The following ZNHIT6 variants were observed in gnomAD, a reference collection of about 807,000 sequenced individuals.
ZNHIT6 encodes the protein zinc finger HIT-type containing 6, also known as box C/D snoRNA protein 1.
A neutral mutation model predicts 57.2 loss-of-function variants in ZNHIT6; 45 were observed. The observed-to-expected ratio is 0.79, with a 90% confidence interval of 0.62 to 1.01. The LOEUF (loss-of-function observed/expected upper bound fraction) is 1.01, where lower values mean the gene tolerates loss of function less well. Among genes scored for constraint, ZNHIT6 ranks in the 50% least tolerant of loss-of-function variants. The probability of loss-of-function intolerance (pLI) is 0.00; values close to 1 mark genes in which losing one functional copy is unlikely to be tolerated. For missense variants in ZNHIT6, 528 were observed against 567.3 expected, an observed-to-expected ratio of 0.93 and a Z score of 0.70; for synonymous variants, 188 against 190.0, an observed-to-expected ratio of 0.99 and a Z score of 0.09.
intron 6 of ZNHIT6, among the ~76,000 whole-genome samples, chr1:85,679,573 T>G (rs1432543229): frequency 6.6e-6 from 1 of 150,832 alleles, no homozygotes; most frequent in East Asian, 1.9e-4. Flanking sequence ...GTTTTTTTTT[T>G]TTTTTTTTAA....
chr1:85,666,273 T>C (rs1028947707), intron 8 of ZNHIT6, among the ~76,000 whole-genome samples: 3 of 152,220 alleles, frequency 2.0e-5, no homozygotes, highest in Admixed American at 6.5e-5. Flanking sequence ...GGAATACACA[T>C]AGAATTCACA....
In ZNHIT6 at chr1:85,653,278, A is replaced by G. The variant is rs1161025914; in HGVS notation, c.*780T>C. ...ATTGTACTAGGAGTTTCTCAAGTAG[A>G]AAACTTGTCTCACAAGGGTAAGTTA... is the stretch of plus-strand genomic sequence containing the variant. On this transcript the variant is annotated 3_prime_UTR_variant, in exon 10 of 10. Coordinates refer to ENST00000370574, the MANE Select transcript of ZNHIT6 (RefSeq NM_017953.4). The G allele has an allele frequency of 6.6e-6, 1 of 152,192 alleles. No homozygotes were observed. Among genetic ancestry groups the G allele is most frequent in the Non-Finnish European group, 1.5e-5 (1 of 68,026 alleles). The allele number at this position is 152,192 out of a possible 1,614,324, so 9.4% of individuals were successfully genotyped here. A position where few individuals can be genotyped will look rare whatever the true frequency, so the allele number is the denominator to read the frequency against.
chr1:85,678,736 A>C lies in ZNHIT6; in HGVS notation c.1134T>G (p.Ile378Met). 1.3e-6 allele frequency: 2 copies of C among 1,593,072 alleles called. No individual in the cohort carries two copies. Among genetic ancestry groups the C allele is most frequent in the Non-Finnish European group, 1.7e-6 (2 of 1,170,122 alleles). ...TTACAGGATCAGACTTTTCAGGATCAATGTAAGGTTTTAGGATTTCATTAA... is the reference window on the plus strand; with the variant it reads ...TTACAGGATCAGACTTTTCAGGATCCATGTAAGGTTTTAGGATTTCATTAA... ...KTINEILKPY[I>M]DPEKSDPVIR... Residue 378 changes from isoleucine to methionine, a missense_variant, in exon 7 of 10, where the codon ATT becomes ATG. By Grantham distance (10) the Ile-to-Met change is conservative. Coordinates refer to ENST00000370574, the MANE Select transcript of ZNHIT6 (RefSeq NM_017953.4).
intron 8 of ZNHIT6, among the ~76,000 whole-genome samples, chr1:85,667,536 T>C (rs1430522673): frequency 6.6e-6 from 1 of 151,884 alleles, no homozygotes; most frequent in Non-Finnish European, 1.5e-5. Context: ...TGGTGTATTG[T>C]GAATATTGAT....
At chr1:85,657,052 A>C (rs1368355298) in intron 9 of ZNHIT6, among the ~76,000 whole-genome samples, 1 of 152,142 alleles carries the variant, frequency 6.6e-6, no homozygotes, top group African/African-American at 2.4e-5. Context: ...TTTTCGTTGA[A>C]AGTGCTATGT....
chr1:85,677,373 T>C (rs1240201028), intron 7 of ZNHIT6, 60 bp from the exon 8 acceptor site: 1 of 1,377,480 alleles, frequency 7.3e-7, no homozygotes, highest in Non-Finnish European at 1.0e-6. Flanking sequence ...CAAGATAGTC[T>C]TATGGAGACT....
intron 5 of ZNHIT6, among the ~76,000 whole-genome samples, chr1:85,698,783 G>A (rs568265143): frequency 3.9e-4 from 60 of 152,040 alleles, no homozygotes; most frequent in Non-Finnish European, 8.1e-4. Context: ...CCATTATAAG[G>A]TAAACATTTA....
chr1:85,676,124 G>T (rs980642774), intron 8 of ZNHIT6, among the ~76,000 whole-genome samples: 3 of 152,194 alleles, frequency 2.0e-5, no homozygotes, highest in Admixed American at 1.3e-4. Flanking sequence ...ATCACCTGAG[G>T]TCGGGAGTTT....
intron 4 of ZNHIT6, among the ~76,000 whole-genome samples, chr1:85,703,434 GAT>G (rs1422764652): frequency 6.6e-6 from 1 of 152,086 alleles, no homozygotes; most frequent in Non-Finnish European, 1.5e-5. Flanking sequence ...ATTGGTGCAG[GAT>G]ATACCAGTAG....
chr1:85,696,852 C>CTT (rs67507264), intron 5 of ZNHIT6, among the ~76,000 whole-genome samples: 17 of 113,686 alleles, frequency 1.5e-4, no homozygotes, highest in African/African-American at 4.2e-4. Context: ...ACCATCTATT[C>CTT]TTTTTTTTTT....
intron 8 of ZNHIT6, among the ~76,000 whole-genome samples, chr1:85,659,832 A>G (rs1027574845): frequency 6.6e-6 from 1 of 152,184 alleles, no homozygotes; most frequent in African/African-American, 2.4e-5. Context: ...TAAAACCAAA[A>G]CTTTACTTAT....
At chr1:85,656,624 C>A (rs933033813) in intron 9 of ZNHIT6, among the ~76,000 whole-genome samples, 1 of 151,994 alleles carries the variant, frequency 6.6e-6, no homozygotes, top group Non-Finnish European at 1.5e-5. Context: ...AAAGCTTAAA[C>A]AAAGTGAAAC....
intron 8 of ZNHIT6, among the ~76,000 whole-genome samples, chr1:85,671,059 C>T (rs72946648): frequency 0.041 from 6,302 of 152,236 alleles, 202 homozygotes; most frequent in East Asian, 0.15. Flanking sequence ...ATGAAGATAG[C>T]TGGAAACCAA....
chr1:85,660,232 A>G (rs1290971635), intron 8 of ZNHIT6, among the ~76,000 whole-genome samples: 1 of 152,196 alleles, frequency 6.6e-6, no homozygotes, highest in African/African-American at 2.4e-5. Flanking sequence ...TTGGGAGGAA[A>G]TAAGACCTGG....
chr1:85,696,888 T>C (rs1662387382), intron 5 of ZNHIT6, among the ~76,000 whole-genome samples: 1 of 147,360 alleles, frequency 6.8e-6, no homozygotes, highest in Admixed American at 6.8e-5. Context: ...AGTCTGGCTC[T>C]GTCTCCCTGG....
intron 9 of ZNHIT6, 41 bp from the exon 10 acceptor site, chr1:85,654,139 T>A: frequency 6.3e-7 from 1 of 1,584,166 alleles, no homozygotes; most frequent in Non-Finnish European, 8.6e-7. Flanking sequence ...GTGTTTATAT[T>A]TTTCTGTTTA....
chr1:85,652,611 T>G lies in ZNHIT6; in HGVS notation c.*1447A>C, dbSNP rs1660943089. 1 of 152,224 alleles carries G rather than the reference T, an allele frequency of 6.6e-6. No homozygotes were observed. Among genetic ancestry groups the G allele is most frequent in the South Asian group, 2.1e-4 (1 of 4,832 alleles). The allele number at this position is 152,224 out of a possible 1,614,324, so 9.4% of individuals were successfully genotyped here. A position where few individuals can be genotyped will look rare whatever the true frequency, so the allele number is the denominator to read the frequency against. On this transcript the variant is annotated 3_prime_UTR_variant, in exon 10 of 10. Coordinates refer to ENST00000370574, the MANE Select transcript of ZNHIT6 (RefSeq NM_017953.4). ...CTCTTCTCCAGTTTCTACCCCAAGT[T>G]ATACTTGTGTCCCACAAATTTATCT...
intron 8 of ZNHIT6, among the ~76,000 whole-genome samples, chr1:85,666,967 A>G (rs1329028470): frequency 6.6e-6 from 1 of 152,216 alleles, no homozygotes; most frequent in Admixed American, 6.5e-5. Context: ...AGTTAATGCC[A>G]TTCTGAACAC....
intron 7 of ZNHIT6, 61 bp downstream of exon 7, chr1:85,678,640 C>T: frequency 9.0e-7 from 1 of 1,113,282 alleles, no homozygotes; most frequent in Non-Finnish European, 1.3e-6. Flanking sequence ...CATGGATGAC[C>T]CTAATAAGTA....
Sources: gnomAD v4.1 joint callset for allele counts (sites outside exome capture counted in the v4.1 genomes callset) on GRCh38, gnomAD v4.1.1 for gene constraint, MANE v1.5 for transcripts, NCBI Gene and HGNC (gene_info 2026-07-23, HGNC 2026-07-21) for gene names.